Variants in ALDH1A2 observed in about 807,000 individuals in gnomAD.
The protein encoded by ALDH1A2 is aldehyde dehydrogenase 1 family member A2, also known as retinal dehydrogenase 2.
ALDH1A2 carries 27 observed loss-of-function variants against 60.3 expected under a neutral mutation model. That is an observed-to-expected ratio of 0.45 (90% confidence interval 0.33 to 0.62). The LOEUF is 0.62. Among genes scored for constraint, ALDH1A2 ranks in the 20% least tolerant of loss-of-function variants. The pLI is 0.02. For synonymous variants in ALDH1A2, 289 were observed against 232.4 expected (o/e 1.24, Z -2.21); for missense variants, 581 against 643.8 (o/e 0.90, Z 1.06).
chr15:58,025,044 A>T (rs1185393628), intron 1 of ALDH1A2, among the ~76,000 whole-genome samples: 1 of 152,166 alleles, frequency 6.6e-6, no homozygotes, highest in East Asian at 1.9e-4. Context: ...TGCTAAGAGG[A>T]AATTTTATAG....
chr15:57,969,727 G>A lies in ALDH1A2; in HGVS notation c.799-3900C>T, dbSNP rs140144030. ...TGAGAAATTAAATCCTGTATATGAT[G>A]TAATATAGATTAAATAGGATAAAGG... On this transcript the variant is annotated intron_variant, in intron 7 of 12. Coordinates refer to ENST00000249750, the MANE Select transcript of ALDH1A2 (RefSeq NM_003888.4). 1.8e-3 allele frequency among the ~76,000 whole-genome samples: 270 copies of A among 152,306 alleles called. 1 individual carries two copies. Among genetic ancestry groups the A allele is most frequent in the African/African-American group, 6.3e-3 (263 of 41,556 alleles).
intron 7 of ALDH1A2, among the ~76,000 whole-genome samples, chr15:57,981,760 CAATG>C (rs748923380): frequency 1.1e-4 from 16 of 152,236 alleles, no homozygotes; most frequent in Admixed American, 6.5e-4. Context: ...AAATAGAAAA[CAATG>C]ACAGTTAATA....
chr15:58,015,349 C>T (rs576419556), intron 1 of ALDH1A2, among the ~76,000 whole-genome samples: 1 of 152,202 alleles, frequency 6.6e-6, no homozygotes, highest in South Asian at 2.1e-4. Context: ...TACATGTTTT[C>T]CTTGATTTGA....
At chr15:58,059,336 A>C (rs1867087277) in intron 1 of ALDH1A2, among the ~76,000 whole-genome samples, 1 of 152,178 alleles carries the variant, frequency 6.6e-6, no homozygotes, top group Non-Finnish European at 1.5e-5. Flanking sequence ...AAATGCTAGG[A>C]GGGCTTTCAA....
intron 4 of ALDH1A2, among the ~76,000 whole-genome samples, chr15:58,002,944 T>C (rs1895323167): frequency 6.6e-6 from 1 of 151,906 alleles, no homozygotes; most frequent in African/African-American, 2.4e-5. Context: ...TGATAAACTC[T>C]ATAAATGCCT....
At chr15:58,029,746 A>T (rs1896180677) in intron 1 of ALDH1A2, among the ~76,000 whole-genome samples, 1 of 152,220 alleles carries the variant, frequency 6.6e-6, no homozygotes, top group Non-Finnish European at 1.5e-5. Context: ...ACCATCAGAG[A>T]ATACTATAAA....
intron 1 of ALDH1A2, among the ~76,000 whole-genome samples, chr15:58,047,140 A>T (rs1896658491): frequency 6.6e-6 from 1 of 152,068 alleles, no homozygotes. Context: ...GAATTCTCAA[A>T]GCAGCAGGTA....
At chr15:57,973,239 GCT>G (rs1350855864) in intron 7 of ALDH1A2, among the ~76,000 whole-genome samples, 3 of 152,164 alleles carry the variant, frequency 2.0e-5, no homozygotes, top group African/African-American at 4.8e-5. Context: ...GTTTATAAGA[GCT>G]CTTTTATATT....
At chr15:58,030,885 G>A (rs1026410047) in intron 1 of ALDH1A2, among the ~76,000 whole-genome samples, 1 of 152,012 alleles carries the variant, frequency 6.6e-6, no homozygotes, top group Non-Finnish European at 1.5e-5. Flanking sequence ...TAAAAGAGGA[G>A]ACAAACAGAC....
In ALDH1A2 at chr15:57,995,099, T is replaced by G. The variant is rs770784333; in HGVS notation, c.534A>C (p.Gly178=). Residue 178 remains glycine (G), a synonymous_variant, in exon 5 of 13, where the codon GGA becomes GGC. Transcript: ENST00000249750. The part of the protein sequence containing the change: ...YFTFTRHEPI[G]VCGQIIPWNF... ...TCACTGGGATGATCTGTCCACACAC[T>G]CCAATGGGTTCATGTCTTGTAAAGG... The G allele has an allele frequency of 1.9e-6, 3 of 1,611,318 alleles. No homozygotes were observed. In the African/African-American group the frequency reaches 4.0e-5, roughly 22 times the overall value.
In ALDH1A2 at chr15:58,044,156, T is replaced by G. The variant is rs1342440596; in HGVS notation, c.117+21378A>C. ...TGCATCTCTATCATGATGCTTCTTTTTTATTTAAGTTCTGGGATACATGTA... is the reference window on the plus strand; with the variant it reads ...TGCATCTCTATCATGATGCTTCTTTGTTATTTAAGTTCTGGGATACATGTA... On this transcript the variant is annotated intron_variant, in intron 1 of 12. Coordinates refer to ENST00000249750, the MANE Select transcript of ALDH1A2 (RefSeq NM_003888.4). 2.6e-5 allele frequency among the ~76,000 whole-genome samples: 4 copies of G among 152,008 alleles called. No homozygotes were observed. In the East Asian group the frequency reaches 7.8e-4, roughly 29 times the overall value.
At position 57,954,565 on chromosome 15, in the gene ALDH1A2, C is replaced by A; in HGVS notation, c.*632G>T. On this transcript the variant is annotated 3_prime_UTR_variant, in exon 13 of 13. Transcript: ENST00000249750. ...ATGTTATTTATGGGTAAAAGAAAAC[C>A]AGATTGGGTCAGGAATATCCCAGGT... 1 of 157,134 alleles carries A rather than the reference C, an allele frequency of 6.4e-6. No individual in the cohort carries two copies. Among genetic ancestry groups the A allele is most frequent in the Non-Finnish European group, 1.4e-5 (1 of 70,374 alleles). The allele number at this position is 157,134 out of a possible 1,614,324, so 9.7% of individuals were successfully genotyped here.
intron 1 of ALDH1A2, among the ~76,000 whole-genome samples, chr15:58,048,974 T>G (rs1896706433): frequency 6.6e-6 from 1 of 151,962 alleles, no homozygotes; most frequent in Non-Finnish European, 1.5e-5. Flanking sequence ...CCCTCCCTCT[T>G]ACCCACCCTG....
intron 4 of ALDH1A2, among the ~76,000 whole-genome samples, chr15:58,003,194 TA>T (rs1895334687): frequency 6.6e-6 from 1 of 151,830 alleles, no homozygotes; most frequent in South Asian, 2.1e-4. Context: ...TTCAACCTCT[TA>T]AAAAGGTTCC....
At chr15:57,991,065 C>G (rs1260826048) in intron 7 of ALDH1A2, among the ~76,000 whole-genome samples, 1 of 152,062 alleles carries the variant, frequency 6.6e-6, no homozygotes, top group East Asian at 1.9e-4. Context: ...TTAAATCACA[C>G]CCCTAAATTA....
intron 12 of ALDH1A2, among the ~76,000 whole-genome samples, chr15:57,955,769 G>A (rs1431549903): frequency 6.6e-6 from 1 of 152,134 alleles, no homozygotes; most frequent in African/African-American, 2.4e-5. Flanking sequence ...GACGGAGGGT[G>A]GGAGTGGGTT....
At chr15:57,979,045 C>G (rs1162649408) in intron 7 of ALDH1A2, among the ~76,000 whole-genome samples, 1 of 152,044 alleles carries the variant, frequency 6.6e-6, no homozygotes, top group African/African-American at 2.4e-5. Context: ...CCTACTGAGG[C>G]CACGGTGGTG....
chr15:57,984,117 T>G (rs1182524910), intron 7 of ALDH1A2, among the ~76,000 whole-genome samples: 1 of 152,206 alleles, frequency 6.6e-6, no homozygotes, highest in East Asian at 1.9e-4. Flanking sequence ...TGGGAGGCAG[T>G]GTACCACTGT....
chr15:58,062,061 A>G (rs1897052890), intron 1 of ALDH1A2, among the ~76,000 whole-genome samples: 1 of 152,210 alleles, frequency 6.6e-6, no homozygotes, highest in Non-Finnish European at 1.5e-5. Flanking sequence ...AGAAGTTTAA[A>G]TGAATAAATA....
Sources: allele counts gnomAD v4.1 joint callset (sites outside exome capture counted in the v4.1 genomes callset), GRCh38; gene constraint gnomAD v4.1.1; transcripts MANE v1.5; gene names NCBI Gene and HGNC (gene_info 2026-07-23, HGNC 2026-07-21).